Variants in LRP1B observed in about 807,000 individuals in gnomAD.
LRP1B encodes LDL receptor related protein 1B, also known as low-density lipoprotein receptor-related protein 1B.
A neutral mutation model predicts 556.6 loss-of-function variants in LRP1B; 217 were observed. That is an observed-to-expected ratio of 0.39 (90% CI 0.35 to 0.44). LRP1B has a LOEUF of 0.44. LRP1B is among the 20% of genes least tolerant of loss of function. The pLI is 1.00. For missense variants in LRP1B, 5,053 were observed against 5,620.8 expected, an observed-to-expected ratio of 0.90 and a Z score of 3.23; for synonymous variants, 2,047 against 1,865.8, an observed-to-expected ratio of 1.10 and a Z score of -2.50.
At chr2:140,529,496 TTTATTTAA>T (rs1690594211) in intron 47 of LRP1B, among the ~76,000 whole-genome samples, 1 of 151,906 alleles carries the variant, frequency 6.6e-6, no homozygotes, top group South Asian at 2.1e-4. Flanking sequence ...AACAACATCT[TTTATTTAA>T]TTATTTAATT....
chr2:141,280,966 G>A (rs925782106), intron 3 of LRP1B, among the ~76,000 whole-genome samples: 1 of 151,804 alleles, frequency 6.6e-6, no homozygotes, highest in African/African-American at 2.4e-5. Context: ...TCATAAATTT[G>A]CCTGATCTTA....
At chr2:141,364,551 C>T (rs115892188) in intron 3 of LRP1B, among the ~76,000 whole-genome samples, 3,937 of 152,232 alleles carry the variant, frequency 0.026, 170 homozygotes, top group African/African-American at 0.087. Flanking sequence ...CAGCTTCTTC[C>T]ACTTATCTAA....
intron 7 of LRP1B, among the ~76,000 whole-genome samples, chr2:141,094,857 CAATT>C (rs1318965317): frequency 6.6e-6 from 1 of 152,134 alleles, no homozygotes; most frequent in Non-Finnish European, 1.5e-5. Flanking sequence ...AAATCGGAAA[CAATT>C]GCAAAACAAC....
chr2:141,069,856 G>A lies in LRP1B; in HGVS notation c.1014-7583C>T, dbSNP rs181229029. ...TTAGGGTACATGTGCACAATGTGCA[G>A]GTTAGTTACATATGTATACATGTGC... On this transcript the variant is annotated intron_variant, in intron 7 of 90. Transcript: ENST00000389484. Among the ~76,000 whole-genome samples, 49 of 151,930 alleles carry A rather than the reference G, an allele frequency of 3.2e-4. 1 individual carries two copies. The East Asian group carries it at 8.6e-3, about 27-fold the overall frequency.
intron 3 of LRP1B, among the ~76,000 whole-genome samples, chr2:141,382,667 G>A (rs949993797): frequency 2.0e-5 from 3 of 152,146 alleles, no homozygotes; most frequent in African/African-American, 7.2e-5. Flanking sequence ...TTTTGCAGTT[G>A]GGAACATAGA....
At position 141,009,610 on chromosome 2, in the gene LRP1B, A is replaced by G. The variant is rs547772811; in HGVS notation, c.2380+3946T>C. Among the ~76,000 whole-genome samples the G allele has an allele frequency of 3.0e-4, 45 of 152,092 alleles. 1 individual carries two copies. The South Asian group carries it at 5.0e-3, about 17-fold the overall frequency. ...TACCACCAAACCTAAAGCTTATTAA[A>G]CCTATAAAATAATGTGATTAATAAA... On this transcript the variant is annotated intron_variant, in intron 14 of 90. Coordinates refer to ENST00000389484, the MANE Select transcript of LRP1B (RefSeq NM_018557.3).
At chr2:140,836,694 G>A (rs1183779996) in intron 31 of LRP1B, among the ~76,000 whole-genome samples, 5 of 152,164 alleles carry the variant, frequency 3.3e-5, no homozygotes, top group African/African-American at 1.2e-4. Context: ...GGGGCAGACA[G>A]AGATGTGACA....
intron 3 of LRP1B, among the ~76,000 whole-genome samples, chr2:141,397,227 T>A (rs1044109371): frequency 1.3e-5 from 2 of 151,046 alleles, no homozygotes; most frequent in African/African-American, 4.9e-5. Flanking sequence ...ATCCTTTAAG[T>A]AAAATTCTAC....
intron 2 of LRP1B, among the ~76,000 whole-genome samples, chr2:141,750,455 A>C (rs1346525374): frequency 6.6e-6 from 1 of 152,152 alleles, no homozygotes; most frequent in Non-Finnish European, 1.5e-5. Context: ...ACCAAAAGGA[A>C]AAGAAAAGAA....
At chr2:140,583,583 A>T (rs1681866697) in intron 43 of LRP1B, among the ~76,000 whole-genome samples, 1 of 152,060 alleles carries the variant, frequency 6.6e-6, no homozygotes, top group African/African-American at 2.4e-5. Flanking sequence ...AACATTTCAT[A>T]ATTATGCAAT....
At chr2:140,916,177 A>G (rs1390049014) in intron 21 of LRP1B, among the ~76,000 whole-genome samples, 1 of 152,186 alleles carries the variant, frequency 6.6e-6, no homozygotes, top group African/African-American at 2.4e-5. Context: ...AAATAATCAG[A>G]AGTATTCCAT....
chr2:140,756,169 A>G (rs927110307), intron 35 of LRP1B, among the ~76,000 whole-genome samples: 8 of 152,180 alleles, frequency 5.3e-5, no homozygotes, highest in Middle Eastern at 3.4e-3. Flanking sequence ...AATCATTTTT[A>G]AGAGAAATTT....
intron 5 of LRP1B, among the ~76,000 whole-genome samples, chr2:141,230,794 G>A (rs528083400): frequency 6.6e-6 from 1 of 152,138 alleles, no homozygotes; most frequent in African/African-American, 2.4e-5. Flanking sequence ...TTATGCAAAT[G>A]TCATTTTACT....
At chr2:141,089,863 G>T (rs990821327) in intron 7 of LRP1B, among the ~76,000 whole-genome samples, 1 of 152,174 alleles carries the variant, frequency 6.6e-6, no homozygotes, top group Non-Finnish European at 1.5e-5. Context: ...GTTGGAAGTT[G>T]GGTCAATGTT....
chr2:141,094,726 A>G (rs771360238), intron 7 of LRP1B, among the ~76,000 whole-genome samples: 13 of 152,192 alleles, frequency 8.5e-5, no homozygotes, highest in Admixed American at 6.5e-5. Flanking sequence ...CTTCATTACA[A>G]TAGGGTCAGC....
intron 66 of LRP1B, among the ~76,000 whole-genome samples, chr2:140,394,122 ATATTTTT>A (rs1272536152): frequency 1.6e-5 from 2 of 127,752 alleles, no homozygotes; most frequent in East Asian, 2.3e-4. Context: ...TTACTGGCAC[ATATTTTT>A]TTTTTTTTTT....
In LRP1B at chr2:141,487,700, A is replaced by G. The variant is rs187106082; in HGVS notation, c.206-7167T>C. ...CCACTCCTGGATCTTTCTTTATGCAATTCCATCATCTAGACAGGAAACCTC... is the reference window on the plus strand; with the variant it reads ...CCACTCCTGGATCTTTCTTTATGCAGTTCCATCATCTAGACAGGAAACCTC... On this transcript the variant is annotated intron_variant, in intron 2 of 90. Coordinates refer to ENST00000389484, the MANE Select transcript of LRP1B (RefSeq NM_018557.3). 3.3e-3 allele frequency among the ~76,000 whole-genome samples: 503 copies of G among 152,244 alleles called. 4 individuals are homozygous for G. Among genetic ancestry groups the G allele is most frequent in the African/African-American group, 0.012 (481 of 41,552 alleles).
chr2:140,476,637 T>A (rs1309293821), intron 59 of LRP1B, among the ~76,000 whole-genome samples: 1 of 152,042 alleles, frequency 6.6e-6, no homozygotes, highest in Non-Finnish European at 1.5e-5. Context: ...ATTTTCTTGA[T>A]TTGCATAAAG....
intron 6 of LRP1B, among the ~76,000 whole-genome samples, chr2:141,189,298 T>C (rs1681394652): frequency 1.3e-5 from 2 of 151,880 alleles, no homozygotes; most frequent in African/African-American, 2.4e-5. Context: ...GAGACTTGAG[T>C]ATGGGATTTC....
Sources: gnomAD v4.1 joint callset for allele counts (sites outside exome capture counted in the v4.1 genomes callset) on GRCh38, gnomAD v4.1.1 for gene constraint, MANE v1.5 for transcripts, NCBI Gene and HGNC (gene_info 2026-07-23, HGNC 2026-07-21) for gene names.